Variants in RAD54B observed in about 807,000 individuals in gnomAD.
RAD54B encodes RAD54 homolog B.
RAD54B carries 78 observed loss-of-function variants against 95.8 expected under a neutral mutation model. The observed-to-expected ratio is 0.81, with a 90% confidence interval of 0.68 to 0.98. RAD54B has a LOEUF of 0.98. Ranked by LOEUF, RAD54B falls within the 50% of genes least tolerant of loss-of-function variation. The pLI is 0.00. For synonymous variants in RAD54B, 328 were observed against 354.9 expected, an observed-to-expected ratio of 0.92 and a Z score of 0.85; for missense variants, 957 against 1,056.6, an observed-to-expected ratio of 0.91 and a Z score of 1.31.
At chr8:94,405,680 G>C (rs1481023345) in intron 5 of RAD54B, among the ~76,000 whole-genome samples, 1 of 151,956 alleles carries the variant, frequency 6.6e-6, no homozygotes, top group Non-Finnish European at 1.5e-5. Flanking sequence ...AAATGGCCCC[G>C]TTATTTTTCT....
At chr8:94,433,890 T>C (rs1234405376) in intron 3 of RAD54B, among the ~76,000 whole-genome samples, 1 of 151,820 alleles carries the variant, frequency 6.6e-6, no homozygotes, top group African/African-American at 2.4e-5. Context: ...TCAAGCAGAA[T>C]GCATAGAAAA....
intron 3 of RAD54B, among the ~76,000 whole-genome samples, chr8:94,440,798 G>C (rs1812379429): frequency 6.6e-6 from 1 of 151,914 alleles, no homozygotes; most frequent in East Asian, 1.9e-4. Flanking sequence ...GATCTCAAAG[G>C]TTAAGAGCTC....
In RAD54B at chr8:94,463,702, AC is replaced by A. The variant is rs1007432890; in HGVS notation, c.135+3702del. Reference sequence around the variant, plus strand: ...AGACCAGCCTGGGCAACATAGGCAGACCCCATCTCTATAAAAAATTTAAAAA... The same window carrying A: ...AGACCAGCCTGGGCAACATAGGCAGACCCATCTCTATAAAAAATTTAAAAA... On this transcript the variant is annotated intron_variant, in intron 2 of 14. Coordinates refer to ENST00000336148, the MANE Select transcript of RAD54B (RefSeq NM_012415.3). Among the ~76,000 whole-genome samples the A allele has an allele frequency of 1.1e-4, 16 of 152,106 alleles. 1 individual carries two copies. Among genetic ancestry groups the A allele is most frequent in the Admixed American group, 3.3e-4 (5 of 15,268 alleles).
intron 11 of RAD54B, among the ~76,000 whole-genome samples, chr8:94,383,021 G>C (rs1372849653): frequency 2.6e-5 from 4 of 152,118 alleles, no homozygotes; most frequent in African/African-American, 7.2e-5. Context: ...AGGATGCCGG[G>C]CACTGTGGCT....
At chr8:94,425,417 T>G (rs367699134) in intron 3 of RAD54B, among the ~76,000 whole-genome samples, 4 of 152,162 alleles carry the variant, frequency 2.6e-5, no homozygotes, top group Admixed American at 6.5e-5. Flanking sequence ...AAATGAAAAT[T>G]TAAAATGTCT....
intron 3 of RAD54B, chr8:94,429,748 A>G (rs1218952163): frequency 1.0e-6 from 1 of 983,700 alleles, no homozygotes; most frequent in Admixed American, 6.2e-5. Context: ...TATTCAGGAC[A>G]TCTTTATAAT....
chr8:94,377,544 GGAAA>G (rs1242741501), intron 14 of RAD54B, among the ~76,000 whole-genome samples: 2 of 37,834 alleles, frequency 5.3e-5, no homozygotes, highest in African/African-American at 2.7e-4. Flanking sequence ...ACCCTGTCTT[GGAAA>G]AAAAAAAAAA....
chr8:94,464,083 G>A (rs924668019), intron 2 of RAD54B, among the ~76,000 whole-genome samples: 1 of 152,104 alleles, frequency 6.6e-6, no homozygotes, highest in Non-Finnish European at 1.5e-5. Flanking sequence ...ATTATTCAGT[G>A]TGGTAGGCAG....
intron 3 of RAD54B, chr8:94,431,957 C>A (rs950425406): frequency 1.6e-6 from 2 of 1,285,742 alleles, no homozygotes; most frequent in Non-Finnish European, 2.0e-6. Context: ...GCCAACCAAC[C>A]AGTAAATTTT....
intron 3 of RAD54B, among the ~76,000 whole-genome samples, chr8:94,421,720 C>T (rs1403433523): frequency 1.3e-5 from 2 of 152,132 alleles, no homozygotes; most frequent in East Asian, 3.9e-4. Context: ...CCACAAAATC[C>T]AGACAATTCT....
intron 3 of RAD54B, among the ~76,000 whole-genome samples, chr8:94,433,100 T>C (rs767853065): frequency 6.6e-6 from 1 of 152,070 alleles, no homozygotes; most frequent in Non-Finnish European, 1.5e-5. Context: ...CTTAAAACCA[T>C]GAAGGCCCAT....
intron 1 of RAD54B, 118 bp from the exon 2 acceptor site, chr8:94,467,673 T>A: frequency 7.0e-6 from 7 of 1,002,548 alleles, no homozygotes; most frequent in South Asian, 2.1e-5. Flanking sequence ...TGGGCCTGCC[T>A]GGCCCCCCAA....
Position 94,407,567 on chromosome 8 carries a change from G to A in RAD54B, c.653C>T (p.Ser218Leu), listed in dbSNP as rs748561168. The A allele has an allele frequency of 5.4e-5, 87 of 1,613,876 alleles. No individual in the cohort carries two copies. The highest frequency in any genetic ancestry group is 7.2e-5 in the Non-Finnish European group (85 of 1,179,934). Residue 218 changes from serine (S) to leucine (L), a missense_variant, in exon 5 of 15, where the codon TCG becomes TTG. Transcript: ENST00000336148. ...FQLGGGSTAI[S>L]HSSQVARKCF... ...TTTCCTGGCAACCTGAGAAGAATGC[G>A]AGATAGCAGTACTTCCTCCTCCAAG...
chr8:94,428,292 T>C, intron 3 of RAD54B: 1 of 981,474 alleles, frequency 1.0e-6, no homozygotes, highest in Non-Finnish European at 1.2e-6. Flanking sequence ...CATTTTGTAA[T>C]TAAAGCTCAT....
intron 11 of RAD54B, among the ~76,000 whole-genome samples, chr8:94,385,651 C>G (rs918356029): frequency 1.3e-5 from 2 of 152,174 alleles, no homozygotes; most frequent in Non-Finnish European, 2.9e-5. Flanking sequence ...ATCACCTAGG[C>G]TGGCCTCCGA....
intron 3 of RAD54B, among the ~76,000 whole-genome samples, chr8:94,445,633 T>C (rs1281460040): frequency 1.3e-5 from 2 of 152,160 alleles, no homozygotes; most frequent in South Asian, 2.1e-4. Context: ...GCACCCACAA[T>C]AACAGCTGAG....
chr8:94,407,331 G>A lies in RAD54B; in HGVS notation c.781+108C>T, dbSNP rs889136832. 4.0e-5 allele frequency: 42 copies of A among 1,049,380 alleles called. No individual in the cohort carries two copies. In the African/African-American group the frequency reaches 5.5e-4, roughly 14 times the overall value. The allele number at this position is 1,049,380 out of a possible 1,614,324, so 65.0% of individuals were successfully genotyped here. On this transcript the variant is annotated intron_variant, in intron 5 of 14. Transcript: ENST00000336148. The stretch of plus-strand genomic sequence containing the variant: ...TCAGATTATATATCTCAAGAATAAT[G>A]TATACTTTCACCTAAAACTTTTAAA...
rs1165536365 is a variant in RAD54B at position 94,378,561 on chromosome 8, T to C, written c.2314+7A>G. The C allele has an allele frequency of 6.3e-7, 1 of 1,597,772 alleles. No individual in the cohort carries two copies. The highest frequency in any genetic ancestry group is 1.3e-5 in the African/African-American group (1 of 74,184). On this transcript the variant is annotated splice_region_variant and intron_variant, in intron 13 of 14. Coordinates refer to ENST00000336148, the MANE Select transcript of RAD54B (RefSeq NM_012415.3). ...TATACATTTTTGTCACACTGAAGGG[T>C]TGTTACCTGTAGTTAGGAGTCTGTA... is the stretch of plus-strand genomic sequence containing the variant.
At chr8:94,381,368 G>A (rs1173513426) in intron 11 of RAD54B, among the ~76,000 whole-genome samples, 1 of 152,108 alleles carries the variant, frequency 6.6e-6, no homozygotes, top group Admixed American at 6.5e-5. Flanking sequence ...ATTAGTCAAC[G>A]AGCCCTGCCT....
Sources: allele counts gnomAD v4.1 joint callset (sites outside exome capture counted in the v4.1 genomes callset), GRCh38; gene constraint gnomAD v4.1.1; transcripts MANE v1.5; gene names NCBI Gene and HGNC (gene_info 2026-07-23, HGNC 2026-07-21).